NRG3: variants seen among roughly 807,000 people sequenced by gnomAD.
NRG3 encodes the protein neuregulin 3, also known as pro-neuregulin-3, membrane-bound isoform.
Under a neutral mutation model 66.9 loss-of-function variants are expected in NRG3, and 31 were observed. The ratio of observed to expected loss-of-function variants is 0.46; its 90% CI spans 0.35 to 0.63. The LOEUF (loss-of-function observed/expected upper bound fraction) is 0.63. NRG3 is among the 20% of genes least tolerant of loss of function. NRG3 has a pLI of 0.00. For missense variants in NRG3, 910 were observed against 878.9 expected (o/e 1.04, Z -0.45); for synonymous variants, 393 against 359.4 (o/e 1.09, Z -1.06).
chr10:81,915,798 A>T (rs559642036), intron 1 of NRG3, among the ~76,000 whole-genome samples: 1 of 152,042 alleles, frequency 6.6e-6, no homozygotes, highest in Non-Finnish European at 1.5e-5. Context: ...AATTAGCATG[A>T]TAATGGTGAT....
At chr10:82,921,122 G>T (rs78042388) in intron 4 of NRG3, among the ~76,000 whole-genome samples, 1 of 151,678 alleles carries the variant, frequency 6.6e-6, no homozygotes, top group South Asian at 2.1e-4. Flanking sequence ...AGGTGATCAA[G>T]GTTAATATCA....
At chr10:82,456,029 G>T (rs1236376067) in intron 2 of NRG3, among the ~76,000 whole-genome samples, 2 of 151,690 alleles carry the variant, frequency 1.3e-5, no homozygotes, top group Admixed American at 6.6e-5. Context: ...TTTGCCTCTT[G>T]TAATAGCACT....
At chr10:82,411,295 T>C (rs2088067275) in intron 2 of NRG3, among the ~76,000 whole-genome samples, 1 of 152,056 alleles carries the variant, frequency 6.6e-6, no homozygotes, top group African/African-American at 2.4e-5. Flanking sequence ...GGAGGAAAGA[T>C]GAGGGAAAGA....
At chr10:81,952,090 G>T (rs1231409487) in intron 1 of NRG3, among the ~76,000 whole-genome samples, 2 of 151,878 alleles carry the variant, frequency 1.3e-5, no homozygotes, top group Admixed American at 6.6e-5. Flanking sequence ...GGGGCCTGTT[G>T]TGGGGTGGGG....
rs531229878 is a variant in NRG3 at position 82,504,225 on chromosome 10, T to C, written c.953+145357T>C. ...CAGATGCCTTCTAATGGGGCACTCA[T>C]TGAGTACTGTCTTGTGTTTGCAGCC... On this transcript the variant is annotated intron_variant, in intron 2 of 8. Coordinates refer to ENST00000372141, the MANE Select transcript of NRG3 (RefSeq NM_001010848.4). Among the ~76,000 whole-genome samples the C allele has an allele frequency of 9.8e-4, 150 of 152,326 alleles. 1 individual carries two copies. Among genetic ancestry groups the C allele is most frequent in the African/African-American group, 3.3e-3 (137 of 41,578 alleles).
chr10:82,547,978 G>A (rs1432359004), intron 2 of NRG3, among the ~76,000 whole-genome samples: 1 of 149,554 alleles, frequency 6.7e-6, no homozygotes, highest in African/African-American at 2.5e-5. Context: ...TGTGGTACAG[G>A]AAAGAAGATC....
chr10:82,714,712 G>A (rs2056873053), intron 2 of NRG3, among the ~76,000 whole-genome samples: 1 of 152,154 alleles, frequency 6.6e-6, no homozygotes, highest in Admixed American at 6.5e-5. Flanking sequence ...AAACATAGTG[G>A]TATATCAGAG....
chr10:82,772,860 C>T (rs113251903), intron 3 of NRG3, among the ~76,000 whole-genome samples: 95 of 151,938 alleles, frequency 6.3e-4, no homozygotes, highest in Middle Eastern at 3.4e-3. Flanking sequence ...CATGTGCCAC[C>T]GTGACCAACT....
chr10:82,474,100 G>A (rs758909561), intron 2 of NRG3, among the ~76,000 whole-genome samples: 6 of 151,978 alleles, frequency 3.9e-5, no homozygotes, highest in Admixed American at 2.0e-4. Flanking sequence ...ATGTCATACC[G>A]ATGAGTGAAT....
intron 7 of NRG3, among the ~76,000 whole-genome samples, chr10:82,974,120 G>T (rs1852025220): frequency 6.6e-6 from 1 of 151,614 alleles, no homozygotes; most frequent in African/African-American, 2.4e-5. Context: ...GCCTCTGTAA[G>T]AAACCTGATA....
chr10:82,196,754 A>C, intron 1 of NRG3, among the ~76,000 whole-genome samples: 1 of 152,180 alleles, frequency 6.6e-6, no homozygotes, highest in Non-Finnish European at 1.5e-5. Context: ...TGAGTGAGTG[A>C]TAAGGAAGAG....
intron 2 of NRG3, among the ~76,000 whole-genome samples, chr10:82,538,701 AG>A (rs1307017840): frequency 3.3e-5 from 5 of 151,424 alleles, no homozygotes; most frequent in Admixed American, 2.0e-4. Context: ...TTTTTTCACC[AG>A]AAAAAAAAAA....
intron 1 of NRG3, among the ~76,000 whole-genome samples, chr10:82,268,750 C>G (rs1310762239): frequency 6.6e-6 from 1 of 151,818 alleles, no homozygotes; most frequent in African/African-American, 2.4e-5. Flanking sequence ...CTACAAGAAC[C>G]AGGGATTGAT....
intron 2 of NRG3, among the ~76,000 whole-genome samples, chr10:82,536,734 G>A (rs938022192): frequency 6.6e-6 from 1 of 152,118 alleles, no homozygotes; most frequent in Non-Finnish European, 1.5e-5. Context: ...TATTAATTCA[G>A]AGGGGATTCA....
chr10:82,720,212 A>G (rs2134490388), intron 2 of NRG3, among the ~76,000 whole-genome samples: 1 of 152,268 alleles, frequency 6.6e-6, no homozygotes, highest in South Asian at 2.1e-4. Flanking sequence ...CAACATGGCA[A>G]AACCCCATCT....
chr10:82,762,958 T>A (rs1204870179), intron 3 of NRG3, among the ~76,000 whole-genome samples: 1 of 152,202 alleles, frequency 6.6e-6, no homozygotes, highest in African/African-American at 2.4e-5. Context: ...TTTAAAATGA[T>A]GCATCCAAAA....
intron 2 of NRG3, among the ~76,000 whole-genome samples, chr10:82,545,673 GC>G (rs1208505622): frequency 2.0e-5 from 3 of 151,372 alleles, no homozygotes; most frequent in African/African-American, 7.3e-5. Flanking sequence ...GAGCCACCGT[GC>G]CCAGCCGCCA....
At chr10:82,176,455 A>C (rs189554817) in intron 1 of NRG3, among the ~76,000 whole-genome samples, 53 of 152,186 alleles carry the variant, frequency 3.5e-4, no homozygotes, top group African/African-American at 1.2e-3. Flanking sequence ...CTCAGCAGAG[A>C]GGAGAGAGAT....
rs182540266 is a variant in NRG3 at position 82,115,511 on chromosome 10, T to G, written c.823+239348T>G. ...TCTGAATTTTATTTGAGGAAAAATA[T>G]GCCCTCCTGCCATCATTCCAGCTCC... On this transcript the variant is annotated intron_variant, in intron 1 of 8. Transcript: ENST00000372141. 1.8e-3 allele frequency among the ~76,000 whole-genome samples: 269 copies of G among 152,258 alleles called. 1 individual carries two copies. In the Middle Eastern group the frequency reaches 0.031, roughly 17 times the overall value.
Sources: allele counts gnomAD v4.1 joint callset (sites outside exome capture counted in the v4.1 genomes callset), GRCh38; gene constraint gnomAD v4.1.1; transcripts MANE v1.5; gene names NCBI Gene and HGNC (gene_info 2026-07-23, HGNC 2026-07-21).